SRRM3: variants seen among roughly 807,000 people sequenced by gnomAD.
SRRM3 encodes serine/arginine repetitive matrix 3.
SRRM3 carries 27 observed loss-of-function variants against 66.2 expected under a neutral mutation model. That is an observed-to-expected ratio of 0.41 (90% CI 0.30 to 0.56). The LOEUF (loss-of-function observed/expected upper bound fraction) is 0.56. Among genes scored for constraint, SRRM3 ranks in the 20% least tolerant of loss-of-function variants. SRRM3 has a pLI of 0.32. For missense variants in SRRM3, 918 were observed against 991.9 expected, an observed-to-expected ratio of 0.93 and a Z score of 1.00; for synonymous variants, 391 against 414.9, an observed-to-expected ratio of 0.94 and a Z score of 0.70.
At chr7:76,235,711 CA>C (rs1308479767) in intron 2 of SRRM3, among the ~76,000 whole-genome samples, 2 of 150,848 alleles carry the variant, frequency 1.3e-5, no homozygotes, top group Non-Finnish European at 1.5e-5. Context: ...ATGAAAAATA[CA>C]AAAAAAAATT....
intron 1 of SRRM3, among the ~76,000 whole-genome samples, chr7:76,222,258 T>C (rs1376047224): frequency 1.3e-5 from 2 of 151,994 alleles, no homozygotes; most frequent in African/African-American, 4.8e-5. Flanking sequence ...TTCTAAAAAC[T>C]AGCTGGACAT....
chr7:76,267,915 A>ACC (rs1178830955), intron 11 of SRRM3: 1 of 102,228 alleles, frequency 9.8e-6, no homozygotes, highest in African/African-American at 3.8e-5. Flanking sequence ...ACCTCTGAGC[A>ACC]CCCCCCTCCC....
intron 3 of SRRM3, among the ~76,000 whole-genome samples, chr7:76,258,941 G>A (rs558123875): frequency 4.6e-4 from 70 of 151,902 alleles, no homozygotes; most frequent in African/African-American, 1.6e-3. Flanking sequence ...CTACTCGGGA[G>A]GCTGAGGCAG....
Position 76,261,570 on chromosome 7 carries a change from GA to G in SRRM3, c.664del (p.Arg222AspfsTer57). Reference protein sequence around the residue: ...DRSDSGSRRKRRHRSRSSKCK... With the variant: ...DRSDSGSRRKXRHRSRSSKCK... The stretch of plus-strand genomic sequence containing the variant: ...GGTCTGATTCTGGGTCCCGGAGGAA[GA>G]GACGGCACAGGTGAGCGGCGCTTTG... On this transcript the variant is annotated frameshift_variant, in exon 8 of 15. Coordinates refer to ENST00000611745, the MANE Select transcript of SRRM3 (RefSeq NM_001110199.3). LOFTEE classifies it high-confidence loss of function. The G allele has an allele frequency of 1.2e-6, 2 of 1,612,038 alleles. No individual in the cohort carries two copies. The highest frequency in any genetic ancestry group is 2.7e-5 in the African/African-American group (2 of 74,984).
intron 1 of SRRM3, among the ~76,000 whole-genome samples, chr7:76,224,323 G>T (rs373938146): frequency 2.7e-5 from 4 of 150,740 alleles, no homozygotes; most frequent in Non-Finnish European, 5.9e-5. Context: ...CAGGCAATCT[G>T]CCCACCTTGG....
At chr7:76,249,334 C>T (rs868921217) in intron 3 of SRRM3, among the ~76,000 whole-genome samples, 1 of 151,618 alleles carries the variant, frequency 6.6e-6, no homozygotes, top group African/African-American at 2.4e-5. Context: ...TGCAGTGAGC[C>T]GCGCCACTGC....
intron 3 of SRRM3, among the ~76,000 whole-genome samples, chr7:76,259,358 C>A (rs573710649): frequency 2.0e-5 from 3 of 151,986 alleles, no homozygotes; most frequent in South Asian, 2.1e-4. Context: ...ACGGGAGGAT[C>A]GCTTGAGGCC....
intron 1 of SRRM3, among the ~76,000 whole-genome samples, chr7:76,204,514 A>T (rs1164479541): frequency 6.6e-6 from 1 of 151,964 alleles, no homozygotes; most frequent in Non-Finnish European, 1.5e-5. Flanking sequence ...GTGCAACCCA[A>T]CCCCACTGCC....
chr7:76,215,625 GTTTTT>G (rs143948708), intron 1 of SRRM3, among the ~76,000 whole-genome samples: 3 of 119,144 alleles, frequency 2.5e-5, no homozygotes, highest in Admixed American at 1.8e-4. Context: ...GCCCAGTCTG[GTTTTT>G]TTTTTTTTTT....
At chr7:76,228,305 T>C (rs181277935) in intron 1 of SRRM3, among the ~76,000 whole-genome samples, 5 of 152,344 alleles carry the variant, frequency 3.3e-5, no homozygotes, top group Admixed American at 3.3e-4. Context: ...TTTTGCAGAT[T>C]GGCTAGGGCC....
intron 1 of SRRM3, among the ~76,000 whole-genome samples, chr7:76,216,592 G>A (rs782419121): frequency 2.6e-5 from 4 of 152,208 alleles, no homozygotes; most frequent in Non-Finnish European, 5.9e-5. Context: ...GTACACTGGA[G>A]GTGCATACAA....
intron 1 of SRRM3, among the ~76,000 whole-genome samples, chr7:76,233,884 G>A (rs953054961): frequency 6.6e-6 from 1 of 152,144 alleles, no homozygotes; most frequent in Non-Finnish European, 1.5e-5. Flanking sequence ...TCCTGTAGCT[G>A]TCACAGTCCC....
intron 2 of SRRM3, among the ~76,000 whole-genome samples, chr7:76,245,131 G>C (rs1173326758): frequency 3.3e-5 from 5 of 152,226 alleles, no homozygotes; most frequent in Admixed American, 1.3e-4. Flanking sequence ...CATCCAAGGA[G>C]TCAAATCTTT....
chr7:76,265,810 TA>T (rs1463276051), intron 10 of SRRM3, among the ~76,000 whole-genome samples: 1 of 108,450 alleles, frequency 9.2e-6, no homozygotes, highest in Non-Finnish European at 1.7e-5. Context: ...TTATATATTT[TA>T]TATATTTAAT....
chr7:76,282,808 C>A lies in SRRM3; in HGVS notation c.1531C>A (p.Arg511Ser). The A allele has an allele frequency of 4.8e-6, 7 of 1,465,896 alleles. No individual in the cohort carries two copies. Among genetic ancestry groups the A allele is most frequent in the Non-Finnish European group, 6.3e-6 (7 of 1,114,832 alleles). 90.8% of individuals were successfully genotyped at this position (1,465,896 alleles called of 1,614,324 possible). Residue 511 changes from arginine to serine, a missense_variant, in exon 13 of 15, where the codon CGC becomes AGC. Arg to Ser is a moderately radical substitution (Grantham distance 110). Coordinates refer to ENST00000611745, the MANE Select transcript of SRRM3 (RefSeq NM_001110199.3). The part of the protein sequence containing the change: ...SSRSPSKSRS[R>S]SAEKRPHSPS... Reference sequence around the variant, plus strand: ...CCGCTCGCCCTCCAAATCTCGCTCGCGCTCTGCGGAGAAGCGGCCCCACAG... The same window carrying A: ...CCGCTCGCCCTCCAAATCTCGCTCGAGCTCTGCGGAGAAGCGGCCCCACAG...
At chr7:76,264,692 TACCCA>T in intron 8 of SRRM3, 68 bp from the exon 9 acceptor site, 2 of 1,514,024 alleles carry the variant, frequency 1.3e-6, no homozygotes, top group South Asian at 2.3e-5. Context: ...CACCTGAGTA[TACCCA>T]GGCTCCAGGG....
intron 2 of SRRM3, among the ~76,000 whole-genome samples, chr7:76,246,042 T>C (rs1467457406): frequency 1.3e-5 from 2 of 152,054 alleles, no homozygotes; most frequent in Non-Finnish European, 2.9e-5. Context: ...TAATCATCCC[T>C]ACCTCCCCCT....
At chr7:76,280,466 C>T (rs1235736031) in intron 11 of SRRM3, among the ~76,000 whole-genome samples, 1 of 150,658 alleles carries the variant, frequency 6.6e-6, no homozygotes, top group Non-Finnish European at 1.5e-5. Context: ...GCCCTGGCCC[C>T]GCTCCCGGTG....
chr7:76,211,231 A>T (rs1800423632), intron 1 of SRRM3, among the ~76,000 whole-genome samples: 1 of 152,220 alleles, frequency 6.6e-6, no homozygotes. Context: ...AGCCGGCCTC[A>T]CAGATGGAGC....
Sources: allele counts gnomAD v4.1 joint callset (sites outside exome capture counted in the v4.1 genomes callset), GRCh38; gene constraint gnomAD v4.1.1; transcripts MANE v1.5; gene names NCBI Gene and HGNC (gene_info 2026-07-23, HGNC 2026-07-21).